Variants in DSEL observed in about 807,000 individuals in gnomAD.
The protein encoded by DSEL is dermatan-sulfate epimerase-like protein.
DSEL carries 61 observed loss-of-function variants against 96.6 expected under a neutral mutation model. The observed-to-expected ratio is 0.63, with a 90% CI of 0.51 to 0.78. The LOEUF (loss-of-function observed/expected upper bound fraction) is 0.78. DSEL is among the 30% of genes least tolerant of loss of function. DSEL has a pLI of 0.00. For missense variants in DSEL, 1,320 were observed against 1,430.8 expected, an observed-to-expected ratio of 0.92 and a Z score of 1.25; for synonymous variants, 514 against 502.0, an observed-to-expected ratio of 1.02 and a Z score of -0.32.
Position 67,513,522 on chromosome 18 carries a change from G to C in DSEL, c.1087C>G (p.Gln363Glu). 6.2e-7 allele frequency: 1 copy of C among 1,614,196 alleles called. No homozygotes were observed. Among genetic ancestry groups the C allele is most frequent in the Non-Finnish European group, 8.5e-7 (1 of 1,180,036 alleles). ...TCTTTAGGTCGGTGCTTTCTAATTT[G>C]CTGAGCTAACCAATTTCCAGCTCCA... ...KNGAGNWLAQQIRKHRPKDGP... is the reference protein window; with the variant it reads ...KNGAGNWLAQEIRKHRPKDGP... Residue 363 changes from glutamine (Q) to glutamate (E), a missense_variant, in exon 2 of 2, where the codon CAA becomes GAA. By Grantham distance (29) the Gln-to-Glu change is conservative (BLOSUM62 2). Transcript: ENST00000310045.
In DSEL at chr18:67,514,035, G is replaced by A. The variant is rs1428405647; in HGVS notation, c.574C>T (p.Arg192Ter). ...DFLYNLLDNH[R>*]RQKYLEKIWV... ...ATTTTTTCCAGGTATTTTTGTCTTC[G>A]ATGATTATCTAATAAGTTATATAAA... Residue 192 changes from arginine (R) to a stop codon, truncating the protein, a stop_gained, in exon 2 of 2, where the codon CGA (arginine) becomes TGA (stop). Transcript: ENST00000310045. LOFTEE classifies it high-confidence loss of function. 1 of 1,613,958 alleles carries A rather than the reference G, an allele frequency of 6.2e-7. No homozygotes were observed. Among genetic ancestry groups the A allele is most frequent in the Admixed American group, 1.7e-5 (1 of 59,998 alleles).
In DSEL at chr18:67,510,095, G is replaced by A. The variant is rs1358962676; in HGVS notation, c.*875C>T. Reference sequence around the variant, plus strand: ...TCTTTAACGCAAAATTAATCAACTGGGGGGAAAATGCCCCACAATATTGAG... The same window carrying A: ...TCTTTAACGCAAAATTAATCAACTGAGGGGAAAATGCCCCACAATATTGAG... On this transcript the variant is annotated 3_prime_UTR_variant, in exon 2 of 2. Coordinates refer to ENST00000310045, the MANE Select transcript of DSEL (RefSeq NM_032160.3). 6.6e-6 allele frequency: 1 copy of A among 152,146 alleles called. No individual in the cohort carries two copies. Among genetic ancestry groups the A allele is most frequent in the East Asian group, 1.9e-4 (1 of 5,194 alleles). The allele number at this position is 152,146 out of a possible 1,614,324, so 9.4% of individuals were successfully genotyped here.
chr18:67,510,624 G>C lies in DSEL; in HGVS notation c.*346C>G. 4.4e-6 allele frequency: 1 copy of C among 228,006 alleles called. No individual in the cohort carries two copies. The highest frequency in any genetic ancestry group is 8.5e-6 in the Non-Finnish European group (1 of 117,696). 14.1% of individuals were successfully genotyped at this position (228,006 alleles called of 1,614,324 possible). On this transcript the variant is annotated 3_prime_UTR_variant, in exon 2 of 2. Transcript: ENST00000310045. ...CCTTTAGCAGTGTTTGAGGTCTCTA[G>C]ATAGATTAGCACAGTTACAGATGAA... is the stretch of plus-strand genomic sequence containing the variant.
rs2089421247 is a variant in DSEL, at chr18:67,508,286, G to C, written c.*2684C>G. 1 of 152,150 alleles carries C rather than the reference G, an allele frequency of 6.6e-6. No homozygotes were observed. The highest frequency in any genetic ancestry group is 1.5e-5 in the Non-Finnish European group (1 of 68,038). 9.4% of individuals were successfully genotyped at this position (152,150 alleles called of 1,614,324 possible). A position where few individuals can be genotyped will look rare whatever the true frequency, so the allele number is the denominator to read the frequency against. On this transcript the variant is annotated 3_prime_UTR_variant, in exon 2 of 2. Coordinates refer to ENST00000310045, the MANE Select transcript of DSEL (RefSeq NM_032160.3). Reference sequence around the variant, plus strand: ...CAGGACCTGGGAACATGCTGGGAGAGTCAATCCCCTTAGGAATTCTGTTTC... The same window carrying C: ...CAGGACCTGGGAACATGCTGGGAGACTCAATCCCCTTAGGAATTCTGTTTC...
In DSEL at chr18:67,515,501, G is replaced by A. The variant is rs1221233338; in HGVS notation, c.-884-9C>T. The A allele has an allele frequency of 1.2e-5, 2 of 166,578 alleles. No homozygotes were observed. The highest frequency in any genetic ancestry group is 1.9e-4 in the East Asian group (1 of 5,198). 10.3% of individuals were successfully genotyped at this position (166,578 alleles called of 1,614,324 possible). A position where few individuals can be genotyped will look rare whatever the true frequency, so the allele number is the denominator to read the frequency against. On this transcript the variant is annotated splice_polypyrimidine_tract_variant and intron_variant, in intron 1 of 1. Transcript: ENST00000310045. ...TTTTTCATGACACTTTTCTGGGGAT[G>A]GGGGACAAAATAAAAATTCTCTGAG... is the stretch of plus-strand genomic sequence containing the variant.
chr18:67,513,429 GATC>G lies in DSEL; in HGVS notation c.1177_1179del (p.Asp393del). The G allele has an allele frequency of 3.1e-6, 5 of 1,614,134 alleles. No individual in the cohort carries two copies. The highest frequency in any genetic ancestry group is 4.2e-6 in the Non-Finnish European group (5 of 1,180,038). Reference sequence around the variant, plus strand: ...GCAGGTGGCTGTGGTGTGAGCTGGGGATCATACCAGATGTATTCAGTGTGAAGA... The same window carrying G: ...GCAGGTGGCTGTGGTGTGAGCTGGGGATACCAGATGTATTCAGTGTGAAGA... On this transcript the variant is annotated inframe_deletion, in exon 2 of 2. Transcript: ENST00000310045.
At position 67,509,480 on chromosome 18, in the gene DSEL, A is replaced by C. The variant is rs2089429593; in HGVS notation, c.*1490T>G. ...AAGGAATATGTTGGGGAGGGGGGGC[A>C]GTCTCCACTCACACTATAATGGAAG... is the stretch of plus-strand genomic sequence containing the variant. On this transcript the variant is annotated 3_prime_UTR_variant, in exon 2 of 2. Transcript: ENST00000310045. 1 of 152,152 alleles carries C rather than the reference A, an allele frequency of 6.6e-6. No homozygotes were observed. Among genetic ancestry groups the C allele is most frequent in the Non-Finnish European group, 1.5e-5 (1 of 68,050 alleles). 9.4% of individuals were successfully genotyped at this position (152,152 alleles called of 1,614,324 possible).
At position 67,510,274 on chromosome 18, in the gene DSEL, G is replaced by C. The variant is rs999622575; in HGVS notation, c.*696C>G. The C allele has an allele frequency of 6.6e-6, 1 of 152,132 alleles. No individual in the cohort carries two copies. Among genetic ancestry groups the C allele is most frequent in the African/African-American group, 2.4e-5 (1 of 41,414 alleles). 9.4% of individuals were successfully genotyped at this position (152,132 alleles called of 1,614,324 possible). On this transcript the variant is annotated 3_prime_UTR_variant, in exon 2 of 2. Coordinates refer to ENST00000310045, the MANE Select transcript of DSEL (RefSeq NM_032160.3). Reference sequence around the variant, plus strand: ...CAATCATGTCTAAAATAATCTACCAGCCCTTGCCACCCAGATTGTTCAAAG... The same window carrying C: ...CAATCATGTCTAAAATAATCTACCACCCCTTGCCACCCAGATTGTTCAAAG...
rs767220110 is a variant in DSEL, at chr18:67,514,100, A to G, written c.509T>C (p.Ile170Thr). Residue 170 changes from isoleucine to threonine, a missense_variant, in exon 2 of 2, where the codon ATT becomes ACT. Ile to Thr is a moderately conservative substitution (Grantham distance 89). Around this residue, in one of 3 missense-constraint regions of DSEL, gnomAD observed 323 missense variants for 333.1 expected, o/e 0.97. Transcript: ENST00000310045. ...GGCAAAACCTGTTAAGGAATGGCCAATTGGAACCTCATCTCCTGGTGCATT... is the reference window on the plus strand; with the variant it reads ...GGCAAAACCTGTTAAGGAATGGCCAGTTGGAACCTCATCTCCTGGTGCATT... ...VENAPGDEVP[I>T]GHSLTGFATA... The G allele has an allele frequency of 5.6e-6, 9 of 1,614,106 alleles. No homozygotes were observed. The highest frequency in any genetic ancestry group is 4.5e-5 in the East Asian group (2 of 44,892).
At position 67,515,095 on chromosome 18, in the gene DSEL, A is replaced by T. The variant is rs967557080; in HGVS notation, c.-487T>A. On this transcript the variant is annotated 5_prime_UTR_variant, in exon 2 of 2. Coordinates refer to ENST00000310045, the MANE Select transcript of DSEL (RefSeq NM_032160.3). ...GCATTTGTGTATGTTTGCCCAAAGA[A>T]GATGATGAAGTACTGACATTCTTCG... 5.9e-6 allele frequency: 1 copy of T among 170,720 alleles called. No homozygotes were observed. Among genetic ancestry groups the T allele is most frequent in the Non-Finnish European group, 1.4e-5 (1 of 70,906 alleles). 10.6% of individuals were successfully genotyped at this position (170,720 alleles called of 1,614,324 possible).
Position 67,511,745 on chromosome 18 carries a change from T to G in DSEL, c.2864A>C (p.Lys955Thr). ...GKLAQYFAMN[K>T]DKKRKFKRRE... ...CCTTTTAAATTTTCTTTTTTTGTCC[T>G]TATTCATTGCAAAATATTGGGCCAG... is the stretch of plus-strand genomic sequence containing the variant. The change falls in exon 2 of 2, where the codon AAG becomes ACG. Residue 955 changes from lysine to threonine, a missense_variant. Physicochemically the swap from Lys to Thr is moderately conservative, Grantham distance 78. Around this residue, in one of 3 missense-constraint regions of DSEL, gnomAD observed 986 missense variants for 1,066.4 expected, o/e 0.92. Transcript: ENST00000310045. 6.2e-7 allele frequency: 1 copy of G among 1,614,200 alleles called. No individual in the cohort carries two copies. Among genetic ancestry groups the G allele is most frequent in the Non-Finnish European group, 8.5e-7 (1 of 1,180,040 alleles).
In DSEL at chr18:67,508,708, C is replaced by G. The variant is rs908809867; in HGVS notation, c.*2262G>C. 6.6e-6 allele frequency: 1 copy of G among 151,618 alleles called. No homozygotes were observed. Among genetic ancestry groups the G allele is most frequent in the Non-Finnish European group, 1.5e-5 (1 of 68,130 alleles). The allele number at this position is 151,618 out of a possible 1,614,324, so 9.4% of individuals were successfully genotyped here. On this transcript the variant is annotated 3_prime_UTR_variant, in exon 2 of 2. Coordinates refer to ENST00000310045, the MANE Select transcript of DSEL (RefSeq NM_032160.3). ...ACATACTCCATCTGGCCTTCTCCTG[C>G]CAACAGGTACATTTCTTTTTTTCTT...
chr18:67,514,442 A>G lies in DSEL; in HGVS notation c.167T>C (p.Leu56Pro). The G allele has an allele frequency of 6.2e-7, 1 of 1,614,120 alleles. No individual in the cohort carries two copies. The highest frequency in any genetic ancestry group is 1.1e-5 in the South Asian group (1 of 91,072). The change falls in exon 2 of 2, where the codon CTG (leucine) becomes CCG (proline). Residue 56 changes from leucine (L) to proline (P), a missense_variant. Leu to Pro is a moderately conservative substitution (Grantham distance 98). This residue lies in a region of DSEL where 323 missense variants were observed against 333.1 expected (regional missense o/e 0.97). Coordinates refer to ENST00000310045, the MANE Select transcript of DSEL (RefSeq NM_032160.3). ...KVQDFRPNQK[L>P]KKSMLHPSLY... ...ACTTGGATGAAGCATACTTTTCTTC[A>G]GCTTTTGGTTGGGTCTGAAATCTTG...
In DSEL at chr18:67,511,926, A is replaced by G. The variant is rs963699722; in HGVS notation, c.2683T>C (p.Leu895=). 22 of 1,614,066 alleles carry G rather than the reference A, an allele frequency of 1.4e-5. No homozygotes were observed. Among genetic ancestry groups the G allele is most frequent in the Middle Eastern group, 1.6e-4 (1 of 6,084 alleles). ...GCATCTACAAATGAGTCGATTTCCA[A>G]CTCAGTTTCAGGAATATCAATGTAG... ...TAYIDIPETE[L]EIDSFVDACE... The change falls in exon 2 of 2, where the codon TTG becomes CTG. Residue 895 remains leucine, a synonymous_variant. Coordinates refer to ENST00000310045, the MANE Select transcript of DSEL (RefSeq NM_032160.3).
In DSEL at chr18:67,513,330, T is replaced by C; in HGVS notation, c.1279A>G (p.Thr427Ala). 6.2e-7 allele frequency: 1 copy of C among 1,614,216 alleles called. No individual in the cohort carries two copies. The highest frequency in any genetic ancestry group is 8.5e-7 in the Non-Finnish European group (1 of 1,180,046). The change falls in exon 2 of 2, where the codon ACA becomes GCA. Residue 427 changes from threonine (T) to alanine (A), a missense_variant. By Grantham distance (58) the Thr-to-Ala change is moderately conservative (BLOSUM62 0). Transcript: ENST00000310045. ...AAAGACACAAAGGTGTTGGTCTGTG[T>C]GTTTGGCAACCCAGCCCCATAAGTA... is the stretch of plus-strand genomic sequence containing the variant. ...VVTYGAGLPN[T>A]QTNTFVSFKS...
rs1183190561 is a variant in DSEL at position 67,511,258 on chromosome 18, C to T, written c.3351G>A (p.Leu1117=). ...TGACCAGCTGGTAGCTAGTAGGCAG[C>T]AAATCTGTATTTATTCTCAAGGCTG... ...TAAALRINTD[L]LPTSYQLVKF... Residue 1117 remains leucine (L), a synonymous_variant, in exon 2 of 2, where the codon TTG becomes TTA. Transcript: ENST00000310045. 2.5e-6 allele frequency: 4 copies of T among 1,612,122 alleles called. No homozygotes were observed. In the Admixed American group the frequency reaches 6.7e-5, roughly 27 times the overall value.
At position 67,511,739 on chromosome 18, in the gene DSEL, T is replaced by A; in HGVS notation, c.2870A>T (p.Lys957Ile). 1 of 1,614,086 alleles carries A rather than the reference T, an allele frequency of 6.2e-7. No individual in the cohort carries two copies. The highest frequency in any genetic ancestry group is 8.5e-7 in the Non-Finnish European group (1 of 1,180,026). ...CTCTCTCCTTTTAAATTTTCTTTTT[T>A]TGTCCTTATTCATTGCAAAATATTG... ...LAQYFAMNKDKKRKFKRRESL... is the reference protein window; with the variant it reads ...LAQYFAMNKDIKRKFKRRESL... The change falls in exon 2 of 2, where the codon AAA becomes ATA. Residue 957 changes from lysine (K) to isoleucine (I), a missense_variant. By Grantham distance (102) the Lys-to-Ile change is moderately radical. Transcript: ENST00000310045.
chr18:67,512,357 C>T lies in DSEL; in HGVS notation c.2252G>A (p.Gly751Asp). The T allele has an allele frequency of 1.2e-6, 2 of 1,614,150 alleles. No individual in the cohort carries two copies. Among genetic ancestry groups the T allele is most frequent in the Non-Finnish European group, 1.7e-6 (2 of 1,180,034 alleles). Residue 751 changes from glycine to aspartate, a missense_variant, in exon 2 of 2, where the codon GGC (glycine) becomes GAC (aspartate). This residue lies in a region of DSEL where 986 missense variants were observed against 1,066.4 expected (regional missense o/e 0.92). Coordinates refer to ENST00000310045, the MANE Select transcript of DSEL (RefSeq NM_032160.3). ...DQGQITRFGLGTQAIVKPVRH... is the reference protein window; with the variant it reads ...DQGQITRFGLDTQAIVKPVRH... ...TACAGGCTTTACTATTGCTTGAGTGCCCAAACCAAATCGGGTTATTTGGCC... is the reference window on the plus strand; with the variant it reads ...TACAGGCTTTACTATTGCTTGAGTGTCCAAACCAAATCGGGTTATTTGGCC...
At chr18:67,515,927 C>CG (rs2089473656) in intron 1 of DSEL, among the ~76,000 whole-genome samples, 1 of 139,396 alleles carries the variant, frequency 7.2e-6, no homozygotes, top group African/African-American at 2.7e-5. Flanking sequence ...TTTTTAATTC[C>CG]GGGGGAAGGT....
Sources: allele counts gnomAD v4.1 joint callset (sites outside exome capture counted in the v4.1 genomes callset), GRCh38; gene constraint gnomAD v4.1.1; regional missense constraint gnomAD v4.1.1; transcripts MANE v1.5; gene names NCBI Gene and HGNC (gene_info 2026-07-23, HGNC 2026-07-21).